PDE12: variants seen among roughly 807,000 people sequenced by gnomAD.
PDE12 encodes the protein phosphodiesterase 12.
Under a neutral mutation model 45.4 loss-of-function variants are expected in PDE12, and 26 were observed. The ratio of observed to expected loss-of-function variants is 0.57; its 90% confidence interval spans 0.42 to 0.79. The LOEUF (loss-of-function observed/expected upper bound fraction) is 0.79. PDE12 is among the 30% of genes least tolerant of loss of function. The pLI, the probability that PDE12 is intolerant of heterozygous loss-of-function variation, is 0.00. For missense variants in PDE12, 668 were observed against 790.0 expected, an observed-to-expected ratio of 0.85 and a Z score of 1.85; for synonymous variants, 283 against 323.9, an observed-to-expected ratio of 0.87 and a Z score of 1.36.
At chr3:57,586,336 G>A in the PDE12 span, among the ~76,000 whole-genome samples, 3 of 152,162 alleles carry the variant, frequency 2.0e-5, no homozygotes, top group Non-Finnish European at 4.4e-5. Context: ...AGCAATGCTA[G>A]TAAGTTAAAA....
At chr3:57,645,853 G>T in the PDE12 span, 1 of 770,224 alleles carries the variant, frequency 1.3e-6, no homozygotes, top group Non-Finnish European at 2.1e-6. Flanking sequence ...TACACACAAA[G>T]GGATACTTTG....
chr3:57,617,003 G>A, the PDE12 span, among the ~76,000 whole-genome samples: 6 of 152,092 alleles, frequency 3.9e-5, no homozygotes, highest in African/African-American at 1.4e-4. Context: ...CAGCCTGGGT[G>A]ACAGAGCGAG....
At chr3:57,569,260 G>A (rs2069812656), downstream of PDE12, among the ~76,000 whole-genome samples, 1 of 151,906 alleles carries the variant, frequency 6.6e-6, no homozygotes, top group Admixed American at 6.6e-5. Context: ...AACCACTTCT[G>A]TTTGGAAAAA....
the PDE12 span, chr3:57,597,345 G>A: frequency 9.7e-5 from 49 of 502,816 alleles, no homozygotes; most frequent in Non-Finnish European, 1.5e-4. Flanking sequence ...CTAGGCGACT[G>A]GCGCGGCAGC....
At chr3:57,633,283 TTG>T in the PDE12 span, 2 of 1,613,418 alleles carry the variant, frequency 1.2e-6, no homozygotes, top group African/African-American at 2.7e-5. Flanking sequence ...TGATGAAACT[TTG>T]TGTCAGTTCC....
the PDE12 span, chr3:57,584,301 CAA>C: frequency 8.0e-7 from 1 of 1,249,364 alleles, no homozygotes; most frequent in South Asian, 1.3e-5. Flanking sequence ...ACATGCTTAA[CAA>C]AAAGACAATC....
the PDE12 span, among the ~76,000 whole-genome samples, chr3:57,614,525 T>G: frequency 0.014 from 1,913 of 141,546 alleles, 48 homozygotes; most frequent in African/African-American, 0.046. Flanking sequence ...TGTAATCCGT[T>G]TTTTTTTTTT....
At chr3:57,622,471 C>T in the PDE12 span, among the ~76,000 whole-genome samples, 4 of 152,154 alleles carry the variant, frequency 2.6e-5, no homozygotes, top group African/African-American at 9.7e-5. Context: ...TCATACAATA[C>T]TTATAGAAAA....
At chr3:57,617,924 C>T in the PDE12 span, among the ~76,000 whole-genome samples, 1 of 150,738 alleles carries the variant, frequency 6.6e-6, no homozygotes, top group African/African-American at 2.4e-5. Context: ...AAATGTGGTA[C>T]ATATACACCA....
At chr3:57,558,577 G>A (rs1230074221) in intron 1 of PDE12, among the ~76,000 whole-genome samples, 1 of 152,084 alleles carries the variant, frequency 6.6e-6, no homozygotes, top group African/African-American at 2.4e-5. Flanking sequence ...CGCAACTTCC[G>A]CCTCCCGGGT....
chr3:57,584,258 C>T, the PDE12 span: 7 of 977,682 alleles, frequency 7.2e-6, no homozygotes, highest in Admixed American at 4.5e-5. Flanking sequence ...CCACCACACC[C>T]GGCCTGTTTT....
At chr3:57,620,714 T>TA in the PDE12 span, among the ~76,000 whole-genome samples, 1 of 152,082 alleles carries the variant, frequency 6.6e-6, no homozygotes, top group Non-Finnish European at 1.5e-5. Context: ...AATTTAAATT[T>TA]TAAAAAAATA....
chr3:57,570,889 A>G (rs1001195366), downstream of PDE12, among the ~76,000 whole-genome samples: 9 of 152,162 alleles, frequency 5.9e-5, no homozygotes, highest in Admixed American at 2.6e-4. Context: ...AAACACATAC[A>G]TACATGCTTT....
At chr3:57,611,872 A>G in the PDE12 span, among the ~76,000 whole-genome samples, 1 of 152,230 alleles carries the variant, frequency 6.6e-6, no homozygotes, top group Non-Finnish European at 1.5e-5. Flanking sequence ...TGACCCAGCC[A>G]TCCCATTACT....
the PDE12 span, among the ~76,000 whole-genome samples, chr3:57,591,119 T>C: frequency 7.0e-4 from 107 of 152,246 alleles, no homozygotes; most frequent in Non-Finnish European, 1.3e-3. Flanking sequence ...CATATATTGC[T>C]AGTGGGGATG....
chr3:57,603,526 C>T, the PDE12 span, among the ~76,000 whole-genome samples: 2 of 151,418 alleles, frequency 1.3e-5, 1 homozygote, highest in South Asian at 4.2e-4. Context: ...TTAGTAGAGA[C>T]AGGGTTTCAC....
chr3:57,635,671 A>T, the PDE12 span, among the ~76,000 whole-genome samples: 1 of 152,168 alleles, frequency 6.6e-6, no homozygotes, highest in South Asian at 2.1e-4. Context: ...TGGGGGTGAG[A>T]TTTTAAGAAC....
Position 57,560,761 on chromosome 3 carries a change from T to C in PDE12, c.*757T>C. 11 of 985,468 alleles carry C rather than the reference T, an allele frequency of 1.1e-5. No individual in the cohort carries two copies. The highest frequency in any genetic ancestry group is 1.3e-5 in the Non-Finnish European group (11 of 829,662). The allele number at this position is 985,468 out of a possible 1,614,324, so 61.0% of individuals were successfully genotyped here. A position where few individuals can be genotyped will look rare whatever the true frequency, so the allele number is the denominator to read the frequency against. On this transcript the variant is annotated 3_prime_UTR_variant, in exon 3 of 3. Coordinates refer to ENST00000311180, the MANE Select transcript of PDE12 (RefSeq NM_177966.7). ...CATGCTTATGTACTAAGAGGGAAAA[T>C]GTATTTAAGTTAAGGGTGAGAGACT...
At chr3:57,603,969 G>C in the PDE12 span, among the ~76,000 whole-genome samples, 1 of 146,752 alleles carries the variant, frequency 6.8e-6, no homozygotes, top group Non-Finnish European at 1.5e-5. Flanking sequence ...CTGTTGCCCA[G>C]GCTAGAATGC....
Sources: gnomAD v4.1 joint callset for allele counts (sites outside exome capture counted in the v4.1 genomes callset) on GRCh38, gnomAD v4.1.1 for gene constraint, MANE v1.5 for transcripts, NCBI Gene and HGNC (gene_info 2026-07-23, HGNC 2026-07-21) for gene names.